SND1: variants seen among roughly 807,000 people sequenced by gnomAD.
SND1 encodes staphylococcal nuclease and tudor domain containing 1.
A neutral mutation model predicts 121.7 loss-of-function variants in SND1; 38 were observed. The ratio of observed to expected loss-of-function variants is 0.31; its 90% CI spans 0.24 to 0.41. The LOEUF (loss-of-function observed/expected upper bound fraction) is 0.41. SND1 is among the 10% of genes least tolerant of loss of function. The pLI is 1.00. For synonymous variants in SND1, 401 were observed against 447.4 expected (o/e 0.90, Z 1.31); for missense variants, 868 against 1,184.6 (o/e 0.73, Z 3.92).
chr7:128,002,883 G>A (rs1255886451), intron 16 of SND1, among the ~76,000 whole-genome samples: 1 of 152,206 alleles, frequency 6.6e-6, no homozygotes, highest in East Asian at 1.9e-4. Flanking sequence ...TGAAGAGTTG[G>A]AAGATAGATA....
intron 14 of SND1, among the ~76,000 whole-genome samples, chr7:127,913,339 C>A (rs898801058): frequency 2.0e-5 from 3 of 152,192 alleles, no homozygotes; most frequent in Non-Finnish European, 4.4e-5. Context: ...CATGCAAATG[C>A]ACTCAGCATT....
chr7:127,844,729 ACTGT>A (rs771121368), intron 12 of SND1, among the ~76,000 whole-genome samples: 35 of 152,344 alleles, frequency 2.3e-4, no homozygotes, highest in Middle Eastern at 3.4e-3. Context: ...GGCCCTAGAT[ACTGT>A]CTAAAATGGT....
chr7:127,729,731 G>T (rs1180568424), intron 10 of SND1, among the ~76,000 whole-genome samples: 1 of 152,112 alleles, frequency 6.6e-6, no homozygotes, highest in African/African-American at 2.4e-5. Flanking sequence ...TCGGTCACCA[G>T]GTAGACTTTA....
intron 10 of SND1, among the ~76,000 whole-genome samples, chr7:127,727,927 C>G (rs924765799): frequency 6.6e-6 from 1 of 152,126 alleles, no homozygotes; most frequent in Non-Finnish European, 1.5e-5. Flanking sequence ...AGATTAATAT[C>G]TGGGTACCAA....
intron 11 of SND1, among the ~76,000 whole-genome samples, chr7:127,834,488 C>T (rs970535880): frequency 5.3e-5 from 8 of 152,274 alleles, no homozygotes; most frequent in African/African-American, 1.7e-4. Context: ...GACGCAGATA[C>T]AATGCAGGAT....
intron 10 of SND1, among the ~76,000 whole-genome samples, chr7:127,777,372 C>CT (rs1413909052): frequency 6.6e-6 from 1 of 152,112 alleles, no homozygotes; most frequent in East Asian, 1.9e-4. Flanking sequence ...TTGGAAAACT[C>CT]AGAAAGAGTT....
chr7:127,997,571 A>T (rs1253364861), intron 16 of SND1: 1 of 417,562 alleles, frequency 2.4e-6, no homozygotes, highest in Non-Finnish European at 4.9e-6. Context: ...CCTATATCTA[A>T]TGTTTCTTAA....
intron 16 of SND1, among the ~76,000 whole-genome samples, chr7:128,051,458 T>G (rs1009838993): frequency 6.6e-6 from 1 of 150,752 alleles, no homozygotes; most frequent in Non-Finnish European, 1.5e-5. Context: ...TACATGAAAA[T>G]TACCCCACAG....
chr7:127,925,445 T>G (rs1018550254), intron 14 of SND1, among the ~76,000 whole-genome samples: 1 of 152,098 alleles, frequency 6.6e-6, no homozygotes. Flanking sequence ...AAGGAAGCAA[T>G]AGCAATGAAA....
At chr7:127,725,958 C>G (rs1237232588) in intron 10 of SND1, among the ~76,000 whole-genome samples, 1 of 152,132 alleles carries the variant, frequency 6.6e-6, no homozygotes, top group Non-Finnish European at 1.5e-5. Flanking sequence ...TTTTCTTCCT[C>G]CGAGACAACT....
At position 127,724,875 on chromosome 7, in the gene SND1, G is replaced by A. The variant is rs536343857; in HGVS notation, c.1152+3475G>A. Among the ~76,000 whole-genome samples, 11 of 152,290 alleles carry A rather than the reference G, an allele frequency of 7.2e-5. No homozygotes were observed. The East Asian group carries it at 1.5e-3, about 21-fold the overall frequency. Reference sequence around the variant, plus strand: ...ATGAAGAGTTAATGTCTTAGGAGACGTTAACTCTTTCAGGCTGATGAGTGA... The same window carrying A: ...ATGAAGAGTTAATGTCTTAGGAGACATTAACTCTTTCAGGCTGATGAGTGA... On this transcript the variant is annotated intron_variant, in intron 10 of 23. Coordinates refer to ENST00000354725, the MANE Select transcript of SND1 (RefSeq NM_014390.4).
intron 4 of SND1, 99 bp downstream of exon 4, chr7:127,699,052 C>A: frequency 1.1e-6 from 1 of 887,640 alleles, no homozygotes; most frequent in Non-Finnish European, 1.8e-6. Context: ...CAGGGGCTTT[C>A]ACACCTTCGC....
At chr7:127,742,339 A>G (rs940241273) in intron 10 of SND1, among the ~76,000 whole-genome samples, 11 of 152,088 alleles carry the variant, frequency 7.2e-5, no homozygotes, top group African/African-American at 2.7e-4. Flanking sequence ...CATTTTCAGT[A>G]GCTTTGAGCC....
chr7:127,732,514 A>G (rs1300973558), intron 10 of SND1, among the ~76,000 whole-genome samples: 1 of 152,202 alleles, frequency 6.6e-6, no homozygotes, highest in Non-Finnish European at 1.5e-5. Flanking sequence ...GAGCCTGCAA[A>G]TGAATGCTTA....
intron 17 of SND1, among the ~76,000 whole-genome samples, chr7:128,077,464 G>C (rs1174148408): frequency 1.3e-5 from 2 of 152,196 alleles, no homozygotes; most frequent in Admixed American, 1.3e-4. Flanking sequence ...GAGGGGACCC[G>C]AGCAAGACAG....
At chr7:127,744,468 A>G (rs1217112726) in intron 10 of SND1, among the ~76,000 whole-genome samples, 1 of 152,204 alleles carries the variant, frequency 6.6e-6, no homozygotes, top group African/African-American at 2.4e-5. Context: ...AAGTTGTTGC[A>G]TGTACAGTGG....
Position 127,857,651 on chromosome 7 carries a change from C to T in SND1, c.1343+13227C>T, listed in dbSNP as rs1253260152. Among the ~76,000 whole-genome samples, 4 of 151,932 alleles carry T rather than the reference C, an allele frequency of 2.6e-5. No homozygotes were observed. In the East Asian group the frequency reaches 7.8e-4, roughly 29 times the overall value. On this transcript the variant is annotated intron_variant, in intron 12 of 23. Transcript: ENST00000354725. ...AAGAGCAAACACTCAGGGACCAAGG[C>T]GAGTCCAAAGGGGCTGTGGAGAGGT...
intron 5 of SND1, 133 bp from the exon 6 acceptor site, chr7:127,702,302 C>T (rs1796118786): frequency 1.4e-6 from 1 of 717,196 alleles, no homozygotes. Flanking sequence ...GCAAGTGCAT[C>T]CTTACTTTTC....
intron 9 of SND1, among the ~76,000 whole-genome samples, chr7:127,721,080 C>T (rs968776804): frequency 1.3e-5 from 2 of 152,214 alleles, no homozygotes; most frequent in South Asian, 4.1e-4. Flanking sequence ...CAGATTTTGT[C>T]TCATTGAGAA....
Sources: allele counts gnomAD v4.1 joint callset (sites outside exome capture counted in the v4.1 genomes callset), GRCh38; gene constraint gnomAD v4.1.1; transcripts MANE v1.5; gene names NCBI Gene and HGNC (gene_info 2026-07-23, HGNC 2026-07-21).